Variants in CCDC186 observed in about 807,000 individuals in gnomAD.
CCDC186 encodes coiled-coil domain containing 186.
A neutral mutation model predicts 113.7 loss-of-function variants in CCDC186; 49 were observed. That is an observed-to-expected ratio of 0.43 (90% confidence interval 0.34 to 0.55). The LOEUF (loss-of-function observed/expected upper bound fraction) is 0.55, where lower values mean the gene tolerates loss of function less well. Ranked by LOEUF, CCDC186 falls within the 20% of genes least tolerant of loss-of-function variation. The probability of loss-of-function intolerance (pLI) is 0.02; values close to 1 mark genes in which losing one functional copy is unlikely to be tolerated. For synonymous variants in CCDC186, 355 were observed against 345.8 expected, an observed-to-expected ratio of 1.03 and a Z score of -0.30; for missense variants, 890 against 1,011.1, an observed-to-expected ratio of 0.88 and a Z score of 1.62.
chr10:114,130,076 G>C, intron 12 of CCDC186, 105 bp from the exon 13 acceptor site: 1 of 941,812 alleles, frequency 1.1e-6, no homozygotes, highest in Admixed American at 2.2e-5. Flanking sequence ...GCATAGACAA[G>C]AGAAAGTTCT....
chr10:114,142,790 C>T (rs1009743789), intron 6 of CCDC186, among the ~76,000 whole-genome samples: 2 of 152,140 alleles, frequency 1.3e-5, no homozygotes, highest in African/African-American at 4.8e-5. Context: ...GGGCAGGAAC[C>T]AGAAACCAGA....
chr10:114,150,297 TA>T (rs1033393521), intron 4 of CCDC186, among the ~76,000 whole-genome samples: 1 of 152,102 alleles, frequency 6.6e-6, no homozygotes, highest in African/African-American at 2.4e-5. Flanking sequence ...AGGCAAGTAA[TA>T]AAAAAGCACT....
At chr10:114,163,409 A>G (rs1344069557) in intron 1 of CCDC186, 80 bp from the exon 2 acceptor site, 1 of 1,107,156 alleles carries the variant, frequency 9.0e-7, no homozygotes, top group African/African-American at 1.6e-5. Flanking sequence ...TGTGATGTGG[A>G]ATAACTAACA....
At chr10:114,149,373 T>C (rs1415172450) in intron 4 of CCDC186, among the ~76,000 whole-genome samples, 3 of 152,052 alleles carry the variant, frequency 2.0e-5, no homozygotes, top group African/African-American at 7.2e-5. Flanking sequence ...ACAAATATTT[T>C]TGGAAGGATA....
At position 114,156,544 on chromosome 10, in the gene CCDC186, G is replaced by A. The variant is rs561238956; in HGVS notation, c.759+1010C>T. Among the ~76,000 whole-genome samples the A allele has an allele frequency of 7.2e-5, 11 of 152,262 alleles. No individual in the cohort carries two copies. In the South Asian group the frequency reaches 8.3e-4, roughly 11 times the overall value. ...AGTTCAAGACCAGCCTAGCCAACAC[G>A]GTGAAACCCTGTCTCTAATAAAAAT... is the stretch of plus-strand genomic sequence containing the variant. On this transcript the variant is annotated intron_variant, in intron 3 of 15. Coordinates refer to ENST00000369287, the MANE Select transcript of CCDC186 (RefSeq NM_018017.4).
chr10:114,171,220 T>C (rs979862963), intron 1 of CCDC186, among the ~76,000 whole-genome samples: 6 of 151,990 alleles, frequency 3.9e-5, no homozygotes, highest in African/African-American at 9.7e-5. Context: ...ATCTGACCTA[T>C]AGTTCCTTTT....
At position 114,129,812 on chromosome 10, in the gene CCDC186, G is replaced by A. The variant is rs2031029723; in HGVS notation, c.2182+79C>T. 4 of 1,267,366 alleles carry A rather than the reference G, an allele frequency of 3.2e-6. No homozygotes were observed. In the East Asian group the frequency reaches 9.6e-5, roughly 30 times the overall value. 78.5% of individuals were successfully genotyped at this position (1,267,366 alleles called of 1,614,324 possible). A position where few individuals can be genotyped will look rare whatever the true frequency, so the allele number is the denominator to read the frequency against. Reference sequence around the variant, plus strand: ...CCCAAAGTGCTGGGATTACAGGTGTGAGCCATCACACCTGGCCAAAAATGC... The same window carrying A: ...CCCAAAGTGCTGGGATTACAGGTGTAAGCCATCACACCTGGCCAAAAATGC... On this transcript the variant is annotated intron_variant, in intron 13 of 15. Coordinates refer to ENST00000369287, the MANE Select transcript of CCDC186 (RefSeq NM_018017.4).
intron 2 of CCDC186, among the ~76,000 whole-genome samples, chr10:114,158,923 T>C (rs1344876537): frequency 6.6e-6 from 1 of 152,188 alleles, no homozygotes; most frequent in Admixed American, 6.5e-5. Flanking sequence ...AAATAGTCCC[T>C]GCCCTCGTGG....
intron 3 of CCDC186, 40 bp downstream of exon 3, chr10:114,157,514 T>A (rs776502192): frequency 6.5e-7 from 1 of 1,541,974 alleles, no homozygotes; most frequent in Non-Finnish European, 8.8e-7. Flanking sequence ...TTTATTTTAT[T>A]AATTGAAGTA....
chr10:114,121,114 A>C lies in CCDC186; in HGVS notation c.*4029T>G, dbSNP rs1035197455. 1 of 152,158 alleles carries C rather than the reference A, an allele frequency of 6.6e-6. No individual in the cohort carries two copies. The highest frequency in any genetic ancestry group is 2.4e-5 in the African/African-American group (1 of 41,448). The allele number at this position is 152,158 out of a possible 1,614,324, so 9.4% of individuals were successfully genotyped here. ...TCCAGAAGAAAAATACATCTCTAAT[A>C]TACAATTATATTTTTCATTTATTTT... On this transcript the variant is annotated 3_prime_UTR_variant, in exon 16 of 16. Transcript: ENST00000369287.
chr10:114,165,301 G>C (rs573811948), intron 1 of CCDC186, among the ~76,000 whole-genome samples: 191 of 152,300 alleles, frequency 1.3e-3, no homozygotes, highest in Non-Finnish European at 2.4e-3. Flanking sequence ...AAAAGACCTC[G>C]TAAGTACTCT....
intron 4 of CCDC186, among the ~76,000 whole-genome samples, chr10:114,147,315 A>G (rs1390358590): frequency 6.6e-6 from 1 of 152,212 alleles, no homozygotes; most frequent in African/African-American, 2.4e-5. Context: ...AATTATAGTA[A>G]ATGAATGTAC....
intron 1 of CCDC186, among the ~76,000 whole-genome samples, chr10:114,172,942 T>C (rs1377292465): frequency 3.3e-5 from 5 of 152,206 alleles, no homozygotes; most frequent in African/African-American, 9.7e-5. Context: ...TACTTGATAG[T>C]TGGGAAAGCC....
intron 3 of CCDC186, among the ~76,000 whole-genome samples, chr10:114,157,278 G>A (rs969750245): frequency 2.7e-5 from 4 of 145,886 alleles, no homozygotes; most frequent in South Asian, 2.2e-4. Flanking sequence ...CAATCTCCCC[G>A]GCTCCAGTGA....
chr10:114,126,895 T>A (rs2030922105), intron 14 of CCDC186, among the ~76,000 whole-genome samples: 1 of 152,210 alleles, frequency 6.6e-6, no homozygotes, highest in Non-Finnish European at 1.5e-5. Flanking sequence ...CCTGAGTTAC[T>A]CAGAGCTGGG....
In CCDC186 at chr10:114,125,151, T is replaced by C. The variant is rs775422485; in HGVS notation, c.2689A>G (p.Lys897Glu). The C allele has an allele frequency of 6.2e-7, 1 of 1,606,016 alleles. No homozygotes were observed. The highest frequency in any genetic ancestry group is 8.5e-7 in the Non-Finnish European group (1 of 1,176,020). Residue 897 changes from lysine to glutamate, a missense_variant, in exon 16 of 16, where the codon AAA becomes GAA. Coordinates refer to ENST00000369287, the MANE Select transcript of CCDC186 (RefSeq NM_018017.4). ...HQHELEQRTK[K>E]T The stretch of plus-strand genomic sequence containing the variant: ...TGAGCAAGAGGCTTGTTTTAGGTTT[T>C]CTTTGTCCTCTGTTCTAGTTCATGC...
chr10:114,127,551 AG>A lies in CCDC186; in HGVS notation c.2302del (p.Leu768CysfsTer12). On this transcript the variant is annotated frameshift_variant, in exon 14 of 16. Transcript: ENST00000369287. LOFTEE classifies it high-confidence loss of function. ...ATTTTTCCGGGCATGTGCTTTTTGC[AG>A]CCTAACTATTCTCTCAATCAACATG... ...KAMLIERIVR[L>X]QKAHARKNEK... 6.2e-7 allele frequency: 1 copy of A among 1,613,952 alleles called. No homozygotes were observed. Among genetic ancestry groups the A allele is most frequent in the Non-Finnish European group, 8.5e-7 (1 of 1,179,992 alleles).
chr10:114,173,165 C>A (rs2032564273), intron 1 of CCDC186: 1 of 455,520 alleles, frequency 2.2e-6, no homozygotes, highest in African/African-American at 2.0e-5. Flanking sequence ...CGTATTTTTA[C>A]TATATTCTCT....
chr10:114,151,326 A>C (rs960568169), intron 3 of CCDC186, 106 bp from the exon 4 acceptor site: 45 of 855,984 alleles, frequency 5.3e-5, no homozygotes, highest in Non-Finnish European at 7.2e-5. Context: ...AATACAATGA[A>C]TATACTTCAG....
Sources: allele counts gnomAD v4.1 joint callset (sites outside exome capture counted in the v4.1 genomes callset), GRCh38; gene constraint gnomAD v4.1.1; transcripts MANE v1.5; gene names NCBI Gene and HGNC (gene_info 2026-07-23, HGNC 2026-07-21).